The following IFFO1 variants were observed in gnomAD, a reference collection of about 807,000 sequenced individuals.
The protein encoded by IFFO1 is intermediate filament family orphan 1, also known as non-homologous end joining factor IFFO1.
IFFO1 carries 42 observed loss-of-function variants against 59.6 expected under a neutral mutation model. The ratio of observed to expected loss-of-function variants is 0.70; its 90% CI spans 0.55 to 0.91. IFFO1 has a LOEUF of 0.91. IFFO1 is among the 40% of genes least tolerant of loss of function. IFFO1 has a pLI of 0.00. For synonymous variants in IFFO1, 336 were observed against 342.8 expected (o/e 0.98, Z 0.22); for missense variants, 711 against 793.2 (o/e 0.90, Z 1.24).
At position 6,541,659 on chromosome 12, in the gene IFFO1, A is replaced by G; in HGVS notation, c.1480-17T>C. On this transcript the variant is annotated splice_polypyrimidine_tract_variant and intron_variant, in intron 8 of 9. Transcript: ENST00000619571. This position sits in a 1 kb window ranked among gnomAD's most constrained non-coding sequence, Gnocchi z 4.8. ...CAACTCCAGCTGTGGTGGGGCAGGC[A>G]GGGCCATCGGGGTTAACAGGTGGCG... 1.2e-6 allele frequency: 2 copies of G among 1,613,692 alleles called. No homozygotes were observed. Among genetic ancestry groups the G allele is most frequent in the Non-Finnish European group, 8.5e-7 (1 of 1,179,936 alleles).
At chr12:6,551,056 C>T in intron 1 of IFFO1, 55 bp from the exon 2 acceptor site, 1 of 1,559,310 alleles carries the variant, frequency 6.4e-7, no homozygotes, top group Non-Finnish European at 8.8e-7. Flanking sequence ...TTCCCTGCCC[C>T]CATGGCTCCC....
At position 6,541,038 on chromosome 12, in the gene IFFO1, G is replaced by T. The variant is rs202142617; in HGVS notation, c.1611-450C>A. 2.9e-4 allele frequency among the ~76,000 whole-genome samples: 33 copies of T among 113,782 alleles called. No homozygotes were observed. Among genetic ancestry groups the T allele is most frequent in the Non-Finnish European group, 5.1e-4 (28 of 54,508 alleles). 74.6% of individuals were successfully genotyped at this position (113,782 alleles called of 152,430 possible). On this transcript the variant is annotated intron_variant, in intron 9 of 9. Coordinates refer to ENST00000619571, the MANE Select transcript of IFFO1 (RefSeq NM_001193457.2). The surrounding 1 kb of genome is among the most constrained non-coding windows in gnomAD (Gnocchi z 4.8). ...TAGTGAGCCAAAAAAAAAAAAAAAAGAAATAGCTGAAGTCACAGTAGGAGA... is the reference window on the plus strand; with the variant it reads ...TAGTGAGCCAAAAAAAAAAAAAAAATAAATAGCTGAAGTCACAGTAGGAGA...
intron 1 of IFFO1, among the ~76,000 whole-genome samples, chr12:6,554,024 G>C (rs1947337347): frequency 6.6e-6 from 1 of 151,414 alleles, no homozygotes; most frequent in Admixed American, 6.6e-5. Context: ...TCACCTACCA[G>C]TGTTTACGAA....
Position 6,549,463 on chromosome 12 carries a change from A to C in IFFO1, c.1080+13T>G. On this transcript the variant is annotated intron_variant, in intron 5 of 9. Coordinates refer to ENST00000619571, the MANE Select transcript of IFFO1 (RefSeq NM_001193457.2). The surrounding 1 kb of genome is among the most constrained non-coding windows in gnomAD (Gnocchi z 5.0). Reference sequence around the variant, plus strand: ...ACTGGGACATTAATAAGCTTGCGTGAGATCAAACTAACCAGCTTCTTCTGT... The same window carrying C: ...ACTGGGACATTAATAAGCTTGCGTGCGATCAAACTAACCAGCTTCTTCTGT... 6.2e-7 allele frequency: 1 copy of C among 1,613,814 alleles called. No homozygotes were observed. The highest frequency in any genetic ancestry group is 8.5e-7 in the Non-Finnish European group (1 of 1,179,732).
Position 6,548,861 on chromosome 12 carries a change from A to C in IFFO1, c.1081-12T>G. 1 of 1,597,536 alleles carries C rather than the reference A, an allele frequency of 6.3e-7. No individual in the cohort carries two copies. The highest frequency in any genetic ancestry group is 8.5e-7 in the Non-Finnish European group (1 of 1,169,736). On this transcript the variant is annotated splice_polypyrimidine_tract_variant and intron_variant, in intron 5 of 9. Coordinates refer to ENST00000619571, the MANE Select transcript of IFFO1 (RefSeq NM_001193457.2). This position sits in a 1 kb window ranked among gnomAD's most constrained non-coding sequence, Gnocchi z 6.1. Reference sequence around the variant, plus strand: ...GACAAGTGCAGAGACTACAGAGACGAGGCCGGGTGCATGAGGAGAAAGGGC... The same window carrying C: ...GACAAGTGCAGAGACTACAGAGACGCGGCCGGGTGCATGAGGAGAAAGGGC...
Position 6,548,323 on chromosome 12 carries a change from T to C in IFFO1, c.1383+102A>G, listed in dbSNP as rs1592213070. 8 of 1,425,200 alleles carry C rather than the reference T, an allele frequency of 5.6e-6. No individual in the cohort carries two copies. The highest frequency in any genetic ancestry group is 7.8e-6 in the Non-Finnish European group (8 of 1,029,660). 88.3% of individuals were successfully genotyped at this position (1,425,200 alleles called of 1,614,324 possible). A position where few individuals can be genotyped will look rare whatever the true frequency, so the allele number is the denominator to read the frequency against. ...GAAGAGGGGAGACGCAGGTAGAGGA[T>C]GACAGCCACATGGGGGGACAGAGCA... On this transcript the variant is annotated intron_variant, in intron 7 of 9. Transcript: ENST00000619571. This position sits in a 1 kb window ranked among gnomAD's most constrained non-coding sequence, Gnocchi z 6.1.
chr12:6,540,543 C>T lies in IFFO1; in HGVS notation c.1656G>A (p.Pro552=), dbSNP rs1238434999. 3.7e-6 allele frequency: 6 copies of T among 1,613,980 alleles called. No homozygotes were observed. Among genetic ancestry groups the T allele is most frequent in the African/African-American group, 1.3e-5 (1 of 75,054 alleles). ...CGGAGTCCTCAGCCTCGCTTGGCGG[C>T]GGCGGCGGGTCGCTAAGCGGGACCG... ...FTAVPLSDPP[P]PPSEAEDSDR... The change falls in exon 10 of 10, where the codon CCG becomes CCA. Residue 552 remains proline (P), a synonymous_variant. Transcript: ENST00000619571.
intron 8 of IFFO1, among the ~76,000 whole-genome samples, chr12:6,544,112 C>T (rs1352306097): frequency 2.0e-5 from 3 of 152,170 alleles, no homozygotes; most frequent in Non-Finnish European, 4.4e-5. Context: ...TTGGGGACTG[C>T]TGCCTAAAGT....
In IFFO1 at chr12:6,541,742, G is replaced by A. The variant is rs991532524; in HGVS notation, c.1480-100C>T. The A allele has an allele frequency of 9.0e-5, 134 of 1,487,670 alleles. No homozygotes were observed. The highest frequency in any genetic ancestry group is 1.2e-4 in the Non-Finnish European group (130 of 1,087,978). The allele number at this position is 1,487,670 out of a possible 1,614,324, so 92.2% of individuals were successfully genotyped here. ...CCAACACGCCAAGAGCAGTGGCTGG[G>A]CCGGGGGCCCAGGCAGCCATTACTG... On this transcript the variant is annotated intron_variant, in intron 8 of 9. Coordinates refer to ENST00000619571, the MANE Select transcript of IFFO1 (RefSeq NM_001193457.2). This position sits in a 1 kb window ranked among gnomAD's most constrained non-coding sequence, Gnocchi z 4.8.
intron 8 of IFFO1, among the ~76,000 whole-genome samples, chr12:6,546,342 C>T (rs911078802): frequency 9.2e-5 from 14 of 152,344 alleles, no homozygotes; most frequent in Middle Eastern, 3.4e-3. Context: ...GGCTGAGACG[C>T]AGAGAAGGCT....
intron 8 of IFFO1, among the ~76,000 whole-genome samples, chr12:6,545,171 C>A (rs1212858357): frequency 2.7e-5 from 4 of 150,758 alleles, no homozygotes; most frequent in African/African-American, 7.3e-5. Context: ...GCTGAGATCG[C>A]GCCACTGCAC....
In IFFO1 at chr12:6,549,782, A is replaced by G; in HGVS notation, c.1045T>C (p.Cys349Arg). The change falls in exon 4 of 10, where the codon TGC becomes CGC. Residue 349 changes from cysteine (C) to arginine (R), a missense_variant. By Grantham distance (180) the Cys-to-Arg change is radical (BLOSUM62 -3). Coordinates refer to ENST00000619571, the MANE Select transcript of IFFO1 (RefSeq NM_001193457.2). This position sits in a 1 kb window ranked among gnomAD's most constrained non-coding sequence, Gnocchi z 5.0. ...KLCDVAQQRN[C>R]EDMIQMFQKK... ...TGGAACATCTGGATCATGTCCTCGCAGTTGCGCTGCTGAGCCACATCGCAG... is the reference window on the plus strand; with the variant it reads ...TGGAACATCTGGATCATGTCCTCGCGGTTGCGCTGCTGAGCCACATCGCAG... The G allele has an allele frequency of 6.2e-7, 1 of 1,614,090 alleles. No homozygotes were observed.
In IFFO1 at chr12:6,549,929, C is replaced by T. The variant is rs769749744; in HGVS notation, c.931-33G>A. ...GGGAGCCCAGGGAACAGTGAGGAGG[C>T]GCCCAGTTCTCCAGACAAGGACGAA... On this transcript the variant is annotated intron_variant, in intron 3 of 9. Coordinates refer to ENST00000619571, the MANE Select transcript of IFFO1 (RefSeq NM_001193457.2). This position sits in a 1 kb window ranked among gnomAD's most constrained non-coding sequence, Gnocchi z 5.0. The T allele has an allele frequency of 1.6e-5, 25 of 1,599,578 alleles. No homozygotes were observed. Among genetic ancestry groups the T allele is most frequent in the Admixed American group, 6.8e-5 (4 of 58,938 alleles).
chr12:6,552,887 C>T (rs1342774089), intron 1 of IFFO1, among the ~76,000 whole-genome samples: 2 of 152,198 alleles, frequency 1.3e-5, no homozygotes, highest in Non-Finnish European at 2.9e-5. Flanking sequence ...GTTCCCTTAA[C>T]ATGGGCAGAA....
chr12:6,552,287 T>A (rs909391989), intron 1 of IFFO1, among the ~76,000 whole-genome samples: 2 of 151,998 alleles, frequency 1.3e-5, no homozygotes, highest in Non-Finnish European at 2.9e-5. Context: ...CTCCTCCACA[T>A]CACCTCGACT....
Position 6,541,651 on chromosome 12 carries a change from GGGCA to G in IFFO1, c.1480-13_1480-10del, listed in dbSNP as rs753585042. ...GCCGTGGCCAACTCCAGCTGTGGTG[GGGCA>G]GGCAGGGCCATCGGGGTTAACAGGT... On this transcript the variant is annotated splice_polypyrimidine_tract_variant and intron_variant, in intron 8 of 9. Transcript: ENST00000619571. This position sits in a 1 kb window ranked among gnomAD's most constrained non-coding sequence, Gnocchi z 4.8. 2.5e-4 allele frequency: 407 copies of G among 1,613,892 alleles called. 1 individual carries two copies. The highest frequency in any genetic ancestry group is 3.3e-4 in the Non-Finnish European group (385 of 1,180,006).
chr12:6,548,950 G>T lies in IFFO1; in HGVS notation c.1081-101C>A, dbSNP rs929054990. The T allele has an allele frequency of 2.9e-5, 28 of 957,866 alleles. No individual in the cohort carries two copies. The Admixed American group carries it at 4.8e-4, about 16-fold the overall frequency. 59.3% of individuals were successfully genotyped at this position (957,866 alleles called of 1,614,324 possible). ...AGAAGCATGAACCAGTAGGAAGGGGGGGCAGACAGAGAGAAAAGTCACAGT... is the reference window on the plus strand; with the variant it reads ...AGAAGCATGAACCAGTAGGAAGGGGTGGCAGACAGAGAGAAAAGTCACAGT... On this transcript the variant is annotated intron_variant, in intron 5 of 9. Transcript: ENST00000619571. The surrounding 1 kb of genome is among the most constrained non-coding windows in gnomAD (Gnocchi z 6.1).
chr12:6,552,455 A>AGTGG (rs1285944428), intron 1 of IFFO1, among the ~76,000 whole-genome samples: 2 of 152,132 alleles, frequency 1.3e-5, no homozygotes, highest in African/African-American at 4.8e-5. Context: ...TCTCATGCAT[A>AGTGG]CAGTCAGGCC....
intron 9 of IFFO1, 63 bp from the exon 10 acceptor site, chr12:6,540,651 C>A (rs1946666885): frequency 2.2e-6 from 3 of 1,353,348 alleles, no homozygotes; most frequent in Non-Finnish European, 3.1e-6. Context: ...GGACGGCACT[C>A]CTCCTCCTGC....
Sources: gnomAD v4.1 joint callset for allele counts (sites outside exome capture counted in the v4.1 genomes callset) on GRCh38, gnomAD v4.1.1 for gene constraint, Gnocchi (gnomAD v3.1) non-coding constraint, MANE v1.5 for transcripts, NCBI Gene and HGNC (gene_info 2026-07-23, HGNC 2026-07-21) for gene names.